Variants in MYO5C observed in about 807,000 individuals in gnomAD.
MYO5C encodes the protein myosin VC.
A neutral mutation model predicts 235.7 loss-of-function variants in MYO5C; 194 were observed. The ratio of observed to expected loss-of-function variants is 0.82; its 90% CI spans 0.73 to 0.93. MYO5C has a LOEUF of 0.93. Among genes scored for constraint, MYO5C ranks in the 40% least tolerant of loss-of-function variants. The pLI is 0.00. For missense variants in MYO5C, 2,038 were observed against 2,127.2 expected, an observed-to-expected ratio of 0.96 and a Z score of 0.82; for synonymous variants, 707 against 754.8, an observed-to-expected ratio of 0.94 and a Z score of 1.04.
chr15:52,269,566 G>A (rs538129515), intron 8 of MYO5C, among the ~76,000 whole-genome samples, 187 bp downstream of exon 8: 38 of 150,284 alleles, frequency 2.5e-4, no homozygotes, highest in Non-Finnish European at 5.0e-4. Context: ...CTAATTTTTC[G>A]TATTTTTAGT....
chr15:52,230,939 T>C (rs1244662660), intron 24 of MYO5C, among the ~76,000 whole-genome samples: 2 of 151,246 alleles, frequency 1.3e-5, no homozygotes, highest in African/African-American at 2.4e-5. Flanking sequence ...GTGATTCTCC[T>C]GCCTCAGCCT....
chr15:52,294,926 T>C, intron 1 of MYO5C, among the ~76,000 whole-genome samples: 1 of 152,244 alleles, frequency 6.6e-6, no homozygotes, highest in African/African-American at 2.4e-5. Context: ...AGTACAGATG[T>C]TAGGCAAAGA....
chr15:52,291,180 G>A (rs908757668), intron 1 of MYO5C, among the ~76,000 whole-genome samples: 12 of 152,190 alleles, frequency 7.9e-5, no homozygotes, highest in Non-Finnish European at 1.5e-4. Context: ...AAGTTGCACC[G>A]TACTCATGGC....
At chr15:52,246,653 T>C (rs1009464611) in intron 16 of MYO5C, among the ~76,000 whole-genome samples, 14 of 152,210 alleles carry the variant, frequency 9.2e-5, no homozygotes, top group Admixed American at 6.5e-5. Flanking sequence ...CATTCTTCTT[T>C]TAATCAAGTA....
rs1191294691 is a variant in MYO5C at position 52,272,669 on chromosome 15, A to G, written c.661T>C (p.Tyr221His). The change falls in exon 6 of 41, where the codon TAC becomes CAC. Residue 221 changes from tyrosine to histidine, a missense_variant. By Grantham distance (83) the Tyr-to-His change is moderately conservative. Coordinates refer to ENST00000261839, the MANE Select transcript of MYO5C (RefSeq NM_018728.4). Reference sequence around the variant, plus strand: ...TGTTCATCAAAACTGATTTCTGTGTATTTCCCAAACCGACTACTATTGTCA... The same window carrying G: ...TGTTCATCAAAACTGATTTCTGTGTGTTTCCCAAACCGACTACTATTGTCA... ...RNDNSSRFGK[Y>H]TEISFDEQNQ... 1 of 1,614,134 alleles carries G rather than the reference A, an allele frequency of 6.2e-7. No homozygotes were observed. Among genetic ancestry groups the G allele is most frequent in the Admixed American group, 1.7e-5 (1 of 60,022 alleles).
intron 24 of MYO5C, among the ~76,000 whole-genome samples, chr15:52,231,221 T>A (rs2141300644): frequency 6.6e-6 from 1 of 152,288 alleles, no homozygotes; most frequent in African/African-American, 2.4e-5. Flanking sequence ...CTCCTGAGAA[T>A]TTTGACAGGG....
intron 19 of MYO5C, among the ~76,000 whole-genome samples, chr15:52,243,828 G>A (rs2036277505): frequency 6.6e-6 from 1 of 152,212 alleles, no homozygotes; most frequent in South Asian, 2.1e-4. Context: ...GCAGCTGGTG[G>A]ACCACCCTCC....
intron 38 of MYO5C, among the ~76,000 whole-genome samples, chr15:52,202,105 C>T (rs1219117310): frequency 6.6e-6 from 1 of 152,048 alleles, no homozygotes; most frequent in Non-Finnish European, 1.5e-5. Context: ...CATTTGGAAG[C>T]ATAGATTCCA....
Position 52,218,526 on chromosome 15 carries a change from TC to T in MYO5C, c.3946del (p.Glu1316LysfsTer9). 1 of 1,614,176 alleles carries T rather than the reference TC, an allele frequency of 6.2e-7. No homozygotes were observed. Among genetic ancestry groups the T allele is most frequent in the African/African-American group, 1.3e-5 (1 of 75,074 alleles). ...AGTTAGAAGACTTCTCACCCTGTTTTCCAAAGTGAGCCGGGATGCTTCCTGC... is the reference window on the plus strand; with the variant it reads ...AGTTAGAAGACTTCTCACCCTGTTTTCAAAGTGAGCCGGGATGCTTCCTGC... ...FRQEASRLTL[E>X]NRDLEEELDM... On this transcript the variant is annotated frameshift_variant, in exon 32 of 41. Coordinates refer to ENST00000261839, the MANE Select transcript of MYO5C (RefSeq NM_018728.4). LOFTEE classifies it high-confidence loss of function.
At chr15:52,273,741 C>T (rs553642313) in intron 5 of MYO5C, among the ~76,000 whole-genome samples, 1 of 152,258 alleles carries the variant, frequency 6.6e-6, no homozygotes, top group Non-Finnish European at 1.5e-5. Flanking sequence ...GTCAATGACA[C>T]TAAAGTATAT....
intron 4 of MYO5C, chr15:52,277,835 G>A (rs751504728): frequency 7.7e-5 from 35 of 455,004 alleles, no homozygotes; most frequent in Non-Finnish European, 1.2e-4. Flanking sequence ...AAAGCAGCAC[G>A]TGTTCTACCT....
In MYO5C at chr15:52,276,292, C is replaced by T. The variant is rs535437997; in HGVS notation, c.450-574G>A. On this transcript the variant is annotated intron_variant, in intron 4 of 40. Coordinates refer to ENST00000261839, the MANE Select transcript of MYO5C (RefSeq NM_018728.4). ...AAGAGGATACACAGCAAAAGCAGCACGGGGAAAAGGCACACGGGGCAAGGT... is the reference window on the plus strand; with the variant it reads ...AAGAGGATACACAGCAAAAGCAGCATGGGGAAAAGGCACACGGGGCAAGGT... Among the ~76,000 whole-genome samples the T allele has an allele frequency of 2.3e-3, 344 of 152,238 alleles. 3 individuals carry two copies. Among genetic ancestry groups the T allele is most frequent in the African/African-American group, 7.7e-3 (318 of 41,544 alleles).
At chr15:52,205,769 T>C in intron 37 of MYO5C, 47 bp downstream of exon 37, 1 of 1,258,830 alleles carries the variant, frequency 7.9e-7, no homozygotes, top group Non-Finnish European at 1.1e-6. Flanking sequence ...TTTTAAAAAG[T>C]CTTAATGTTA....
intron 38 of MYO5C, among the ~76,000 whole-genome samples, chr15:52,202,464 T>G (rs2035210869): frequency 6.6e-6 from 1 of 152,144 alleles, no homozygotes; most frequent in African/African-American, 2.4e-5. Flanking sequence ...TCGCCTGTCC[T>G]CAAAGAAGTT....
At chr15:52,230,776 A>G (rs1018186655) in intron 24 of MYO5C, among the ~76,000 whole-genome samples, 13 of 151,550 alleles carry the variant, frequency 8.6e-5, no homozygotes, top group Non-Finnish European at 1.6e-4. Context: ...AGTGCTCCCA[A>G]GAGACCAGTA....
chr15:52,229,149 A>C lies in MYO5C; in HGVS notation c.3191T>G (p.Leu1064Arg). The C allele has an allele frequency of 6.2e-7, 1 of 1,614,210 alleles. No individual in the cohort carries two copies. Among genetic ancestry groups the C allele is most frequent in the Non-Finnish European group, 8.5e-7 (1 of 1,180,038 alleles). ...SDGLKAEVARLSKQVKTISEF... is the reference protein window; with the variant it reads ...SDGLKAEVARRSKQVKTISEF... The stretch of plus-strand genomic sequence containing the variant: ...CCGCTCTACCTTGACCTGCTTGCTC[A>C]GGCGGGCCACTTCCGCCTTCAAGCC... The change falls in exon 25 of 41, where the codon CTG (leucine) becomes CGG (arginine). Residue 1064 changes from leucine to arginine, a missense_variant. Leu to Arg is a moderately radical substitution (Grantham distance 102). Transcript: ENST00000261839.
intron 23 of MYO5C, among the ~76,000 whole-genome samples, chr15:52,234,891 A>G (rs2036042556): frequency 6.6e-6 from 1 of 152,024 alleles, no homozygotes; most frequent in African/African-American, 2.4e-5. Flanking sequence ...CCAGGCCTGA[A>G]CCCTCGTGTT....
chr15:52,257,911 G>C (rs2036616488), intron 10 of MYO5C, among the ~76,000 whole-genome samples: 1 of 152,202 alleles, frequency 6.6e-6, no homozygotes, highest in Non-Finnish European at 1.5e-5. Context: ...TAAGAACCTG[G>C]ACTGTCCTCT....
intron 18 of MYO5C, among the ~76,000 whole-genome samples, chr15:52,245,022 T>C (rs746652713): frequency 6.6e-6 from 1 of 152,214 alleles, no homozygotes; most frequent in South Asian, 2.1e-4. Context: ...CAAGGCACCA[T>C]GCCTGGAGCC....
Sources: allele counts gnomAD v4.1 joint callset (sites outside exome capture counted in the v4.1 genomes callset), GRCh38; gene constraint gnomAD v4.1.1; transcripts MANE v1.5; gene names NCBI Gene and HGNC (gene_info 2026-07-23, HGNC 2026-07-21).